The following PTPRQ variants were observed in gnomAD, a reference collection of about 807,000 sequenced individuals.
PTPRQ encodes the protein phosphatidylinositol phosphatase PTPRQ.
A neutral mutation model predicts 246.0 loss-of-function variants in PTPRQ; 199 were observed. The ratio of observed to expected loss-of-function variants is 0.81; its 90% confidence interval spans 0.72 to 0.91. The LOEUF is 0.91. PTPRQ is among the 40% of genes least tolerant of loss of function. The pLI is 0.00. For missense variants in PTPRQ, 2,624 were observed against 2,528.4 expected, an observed-to-expected ratio of 1.04 and a Z score of -0.81; for synonymous variants, 869 against 853.2, an observed-to-expected ratio of 1.02 and a Z score of -0.32.
chr12:80,532,927 C>A (rs1895885984), intron 17 of PTPRQ, among the ~76,000 whole-genome samples: 1 of 152,144 alleles, frequency 6.6e-6, no homozygotes, highest in Admixed American at 6.5e-5. Context: ...TCTGTGGAAA[C>A]CCTTACTTCA....
Position 80,460,771 on chromosome 12 carries a change from C to T in PTPRQ, c.779C>T (p.Ser260Phe). The T allele has an allele frequency of 2.5e-6, 1 of 400,636 alleles. No homozygotes were observed. Among genetic ancestry groups the T allele is most frequent in the East Asian group, 3.6e-5 (1 of 28,062 alleles). The allele number at this position is 400,636 out of a possible 1,614,324, so 24.8% of individuals were successfully genotyped here. A position where few individuals can be genotyped will look rare whatever the true frequency, so the allele number is the denominator to read the frequency against. The change falls in exon 6 of 45, where the codon TCT becomes TTT. Residue 260 changes from serine (S) to phenylalanine (F), a missense_variant. By Grantham distance (155) the Ser-to-Phe change is radical (BLOSUM62 -2). Transcript: ENST00000644991. Reference sequence around the variant, plus strand: ...ACGTTGACACAGAATGAGATCAGCTCTGTGTGGAAAGAGCCTATCAGTTTT... The same window carrying T: ...ACGTTGACACAGAATGAGATCAGCTTTGTGTGGAAAGAGCCTATCAGTTTT... ...SSTLTQNEIS[S>F]VWKEPISFVV...
intron 38 of PTPRQ, among the ~76,000 whole-genome samples, 172 bp downstream of exon 38, chr12:80,653,006 A>G (rs1900305318): frequency 6.6e-6 from 1 of 152,134 alleles, no homozygotes; most frequent in South Asian, 2.1e-4. Context: ...ATATTTAACT[A>G]AAGTTAGTAT....
At chr12:80,494,522 C>T (rs907291788) in intron 10 of PTPRQ, among the ~76,000 whole-genome samples, 1 of 151,946 alleles carries the variant, frequency 6.6e-6, no homozygotes, top group Non-Finnish European at 1.5e-5. Context: ...TTTAACTCTT[C>T]TACTAAATCC....
chr12:80,468,069 A>G (rs910887810), intron 6 of PTPRQ, among the ~76,000 whole-genome samples: 4 of 152,206 alleles, frequency 2.6e-5, no homozygotes, highest in African/African-American at 7.2e-5. Context: ...TTTGCTAGAC[A>G]ATAATTTTGT....
In PTPRQ at chr12:80,632,435, G is replaced by C. The variant is rs144231010; in HGVS notation, c.5786+144G>C. 1.0e-3 allele frequency: 1,214 copies of C among 1,202,350 alleles called. 14 individuals are homozygous for C. The Middle Eastern group carries it at 0.012, about 12-fold the overall frequency. 74.5% of individuals were successfully genotyped at this position (1,202,350 alleles called of 1,614,324 possible). A position where few individuals can be genotyped will look rare whatever the true frequency, so the allele number is the denominator to read the frequency against. Reference sequence around the variant, plus strand: ...AGACAGATAAAAATGTATTTATCATGTACAATATGATACTTTAAAGTGTAT... The same window carrying C: ...AGACAGATAAAAATGTATTTATCATCTACAATATGATACTTTAAAGTGTAT... On this transcript the variant is annotated intron_variant, in intron 34 of 44. Coordinates refer to ENST00000644991, the MANE Select transcript of PTPRQ (RefSeq NM_001145026.2).
intron 33 of PTPRQ, among the ~76,000 whole-genome samples, chr12:80,630,587 G>C (rs11838100): frequency 6.6e-6 from 1 of 152,006 alleles, no homozygotes; most frequent in Admixed American, 6.6e-5. Context: ...TATAACAAGC[G>C]TATAATCTAT....
At chr12:80,467,558 A>T (rs906009679) in intron 6 of PTPRQ, among the ~76,000 whole-genome samples, 2 of 152,188 alleles carry the variant, frequency 1.3e-5, no homozygotes, top group Admixed American at 1.3e-4. Context: ...ACATGCACAC[A>T]TATGTTTATT....
chr12:80,540,334 C>T (rs934689946), intron 20 of PTPRQ, among the ~76,000 whole-genome samples: 2 of 152,076 alleles, frequency 1.3e-5, no homozygotes, highest in Non-Finnish European at 2.9e-5. Context: ...GACTCTGCAG[C>T]ACATCTCTTC....
intron 26 of PTPRQ, among the ~76,000 whole-genome samples, chr12:80,597,580 C>T (rs1254610711): frequency 1.3e-5 from 2 of 152,030 alleles, no homozygotes; most frequent in African/African-American, 4.8e-5. Context: ...CTAGTCTTCA[C>T]AGAAGGAGTA....
chr12:80,550,212 C>G (rs991103966), intron 25 of PTPRQ, among the ~76,000 whole-genome samples: 1 of 152,094 alleles, frequency 6.6e-6, no homozygotes, highest in African/African-American at 2.4e-5. Context: ...GGTCGTTAAG[C>G]TTTAGTCCAC....
At chr12:80,674,732 G>C (rs1236761821) in intron 43 of PTPRQ, among the ~76,000 whole-genome samples, 1 of 152,012 alleles carries the variant, frequency 6.6e-6, no homozygotes, top group Non-Finnish European at 1.5e-5. Context: ...CTTATTATTA[G>C]GTATTCTCAA....
In PTPRQ at chr12:80,504,816, A is replaced by G. The variant is rs117650373; in HGVS notation, c.2273-1208A>G. On this transcript the variant is annotated intron_variant, in intron 14 of 44. Coordinates refer to ENST00000644991, the MANE Select transcript of PTPRQ (RefSeq NM_001145026.2). Reference sequence around the variant, plus strand: ...AATAGGCTTATAATTCCAAAACAGCATATTATTTATTTCTTTTCTATCTCT... The same window carrying G: ...AATAGGCTTATAATTCCAAAACAGCGTATTATTTATTTCTTTTCTATCTCT... Among the ~76,000 whole-genome samples the G allele has an allele frequency of 5.0e-3, 766 of 152,004 alleles. 1 individual carries two copies. Among genetic ancestry groups the G allele is most frequent in the Non-Finnish European group, 7.5e-3 (509 of 67,872 alleles).
chr12:80,598,832 C>T (rs779523908), intron 26 of PTPRQ, among the ~76,000 whole-genome samples: 1 of 151,928 alleles, frequency 6.6e-6, no homozygotes, highest in Non-Finnish European at 1.5e-5. Context: ...ACCATATATT[C>T]ATTTATGTTT....
At chr12:80,481,805 A>T (rs933835130) in intron 8 of PTPRQ, among the ~76,000 whole-genome samples, 1 of 152,110 alleles carries the variant, frequency 6.6e-6, no homozygotes, top group Admixed American at 6.6e-5. Flanking sequence ...ATACCTAGGA[A>T]TCCAACTTAC....
intron 26 of PTPRQ, among the ~76,000 whole-genome samples, chr12:80,592,387 T>C (rs987791890): frequency 4.6e-5 from 7 of 152,190 alleles, no homozygotes; most frequent in South Asian, 2.1e-4. Context: ...TATTGTACAA[T>C]TGAATTTCCA....
chr12:80,489,428 A>G (rs937945460), intron 9 of PTPRQ, among the ~76,000 whole-genome samples: 2 of 152,068 alleles, frequency 1.3e-5, no homozygotes, highest in Non-Finnish European at 2.9e-5. Context: ...TCTGTAACAC[A>G]CAGTAGCTTA....
chr12:80,466,944 T>C (rs1893442240), intron 6 of PTPRQ, among the ~76,000 whole-genome samples: 2 of 152,162 alleles, frequency 1.3e-5, no homozygotes, highest in Non-Finnish European at 1.5e-5. Flanking sequence ...GACATAGGCA[T>C]GGGCAAGGAC....
chr12:80,504,547 G>T lies in PTPRQ; in HGVS notation c.2273-1477G>T, dbSNP rs907679056. Among the ~76,000 whole-genome samples, 4 of 151,544 alleles carry T rather than the reference G, an allele frequency of 2.6e-5. No homozygotes were observed. The East Asian group carries it at 7.7e-4, about 29-fold the overall frequency. ...CTTTTCTTTGCTGACTTTCACTATT[G>T]ATATCTGATTTGCTTGTGTGTTTAG... On this transcript the variant is annotated intron_variant, in intron 14 of 44. Coordinates refer to ENST00000644991, the MANE Select transcript of PTPRQ (RefSeq NM_001145026.2).
At chr12:80,613,405 T>C (rs1216934064) in intron 28 of PTPRQ, among the ~76,000 whole-genome samples, 187 bp from the exon 29 acceptor site, 1 of 150,726 alleles carries the variant, frequency 6.6e-6, no homozygotes, top group African/African-American at 2.4e-5. Flanking sequence ...ATCACCATTA[T>C]GGTTGCTGTG....
Sources: gnomAD v4.1 joint callset for allele counts (sites outside exome capture counted in the v4.1 genomes callset) on GRCh38, gnomAD v4.1.1 for gene constraint, MANE v1.5 for transcripts, NCBI Gene and HGNC (gene_info 2026-07-23, HGNC 2026-07-21) for gene names.